Variants in FHIT observed in about 807,000 individuals in gnomAD.
The protein encoded by FHIT is bis(5'-adenosyl)-triphosphatase.
In FHIT, 19 loss-of-function variants were observed where a neutral mutation model predicts 17.9. That is an observed-to-expected ratio of 1.06 (90% CI 0.74 to 1.56). The LOEUF (loss-of-function observed/expected upper bound fraction) is 1.56. Ranked by LOEUF, FHIT falls within the 40% of genes most tolerant of loss-of-function variation. The pLI is 0.00. For synonymous variants in FHIT, 81 were observed against 69.7 expected (o/e 1.16, Z -0.81); for missense variants, 248 against 189.2 (o/e 1.31, Z -1.82).
chr3:60,109,141 G>C (rs1045564408), intron 5 of FHIT, among the ~76,000 whole-genome samples: 7 of 132,250 alleles, frequency 5.3e-5, no homozygotes, highest in African/African-American at 1.8e-4. Context: ...GGTAGGGGCA[G>C]GGAGAGAGAG....
At chr3:60,510,580 C>A (rs1379072009) in intron 5 of FHIT, among the ~76,000 whole-genome samples, 1 of 151,836 alleles carries the variant, frequency 6.6e-6, no homozygotes, top group Non-Finnish European at 1.5e-5. Flanking sequence ...GGAAGAATTT[C>A]ATTAGAAAAT....
intron 5 of FHIT, among the ~76,000 whole-genome samples, chr3:60,106,672 T>C (rs1386053631): frequency 1.3e-5 from 2 of 152,194 alleles, no homozygotes; most frequent in African/African-American, 4.8e-5. Context: ...CCAGAAGAGA[T>C]GAGACTCCCC....
chr3:60,437,682 TAATC>T (rs1162215068), intron 5 of FHIT, among the ~76,000 whole-genome samples: 1 of 152,096 alleles, frequency 6.6e-6, no homozygotes, highest in Non-Finnish European at 1.5e-5. Flanking sequence ...GGCAATTAAA[TAATC>T]AGATGTCATA....
intron 4 of FHIT, among the ~76,000 whole-genome samples, chr3:60,676,299 T>C (rs375361924): frequency 4.9e-4 from 75 of 152,342 alleles, no homozygotes; most frequent in African/African-American, 1.7e-3. Context: ...TGTGTGTATT[T>C]GACAATCCTT....
intron 4 of FHIT, among the ~76,000 whole-genome samples, chr3:60,582,873 G>T (rs1420468069): frequency 6.6e-6 from 1 of 151,878 alleles, no homozygotes; most frequent in African/African-American, 2.4e-5. Context: ...TATTTTATAG[G>T]TAAGAAAACT....
intron 2 of FHIT, among the ~76,000 whole-genome samples, chr3:61,151,362 CATACTTGCCT>C (rs2037381728): frequency 6.6e-6 from 1 of 152,184 alleles, no homozygotes; most frequent in African/African-American, 2.4e-5. Flanking sequence ...CCAGGAATGG[CATACTTGCCT>C]ATGTTCTCTA....
chr3:60,613,293 G>A (rs1210046691), intron 4 of FHIT, among the ~76,000 whole-genome samples: 2 of 152,190 alleles, frequency 1.3e-5, no homozygotes, highest in African/African-American at 4.8e-5. Flanking sequence ...GGAACATGGA[G>A]TGAAACAGAA....
chr3:60,810,913 G>C (rs1701552147), intron 4 of FHIT, among the ~76,000 whole-genome samples: 1 of 152,094 alleles, frequency 6.6e-6, no homozygotes, highest in Non-Finnish European at 1.5e-5. Context: ...TTATTCAATA[G>C]TTTAGAAATG....
intron 8 of FHIT, among the ~76,000 whole-genome samples, chr3:59,853,963 A>G (rs1702046770): frequency 6.6e-6 from 1 of 152,226 alleles, no homozygotes; most frequent in African/African-American, 2.4e-5. Context: ...ACCAATAGAT[A>G]AAGTCATCAG....
At chr3:60,415,301 T>G (rs955863484) in intron 5 of FHIT, among the ~76,000 whole-genome samples, 1 of 152,168 alleles carries the variant, frequency 6.6e-6, no homozygotes. Flanking sequence ...AAAATGGGAT[T>G]CAGCAAAGCA....
intron 7 of FHIT, among the ~76,000 whole-genome samples, chr3:59,944,662 T>C (rs1420901960): frequency 2.0e-5 from 3 of 152,146 alleles, no homozygotes; most frequent in Non-Finnish European, 2.9e-5. Flanking sequence ...AATTCTTTGA[T>C]CCGCTCCCTT....
intron 2 of FHIT, among the ~76,000 whole-genome samples, chr3:61,166,240 T>C (rs2037834091): frequency 6.6e-6 from 1 of 152,210 alleles, no homozygotes; most frequent in Non-Finnish European, 1.5e-5. Flanking sequence ...CTGAGAGTAG[T>C]TATTTAATTC....
At chr3:59,886,548 G>A (rs1304604119) in intron 8 of FHIT, among the ~76,000 whole-genome samples, 2 of 152,192 alleles carry the variant, frequency 1.3e-5, no homozygotes, top group South Asian at 4.1e-4. Flanking sequence ...AAGGGGGGCT[G>A]TGTGTGCAGA....
intron 4 of FHIT, among the ~76,000 whole-genome samples, chr3:60,599,543 A>G (rs1027458878): frequency 6.6e-6 from 1 of 152,160 alleles, no homozygotes. Flanking sequence ...AAACATCATC[A>G]CAGTTATAAA....
chr3:60,198,675 T>C (rs756845813), intron 5 of FHIT, among the ~76,000 whole-genome samples: 7 of 152,192 alleles, frequency 4.6e-5, no homozygotes, highest in Non-Finnish European at 1.0e-4. Context: ...CGTCAACTTA[T>C]GGTTATGAGA....
chr3:59,858,286 G>A (rs949677399), intron 8 of FHIT, among the ~76,000 whole-genome samples: 2 of 142,308 alleles, frequency 1.4e-5, no homozygotes, highest in African/African-American at 2.7e-5. Flanking sequence ...GAGTGCAGTG[G>A]AGCGATCTCG....
chr3:60,314,214 A>G (rs1253466900), intron 5 of FHIT, among the ~76,000 whole-genome samples: 3 of 152,050 alleles, frequency 2.0e-5, no homozygotes, highest in South Asian at 4.2e-4. Context: ...GTTGGGCAAC[A>G]TATTTCTGGT....
At chr3:60,286,215 G>A (rs1182868064) in intron 5 of FHIT, among the ~76,000 whole-genome samples, 2 of 152,170 alleles carry the variant, frequency 1.3e-5, no homozygotes, top group Non-Finnish European at 2.9e-5. Flanking sequence ...AACTAGAAAT[G>A]CAGGTGTGGC....
rs188332396 is a variant in FHIT, at chr3:60,861,867, G to A, written c.-110-39856C>T. On this transcript the variant is annotated intron_variant, in intron 3 of 9. Transcript: ENST00000492590. ...AGGGAGGCTGAGGCAGGAGAATGGC[G>A]TGAACCCGTGAGGTGGAGCTTGCAG... Among the ~76,000 whole-genome samples, 307 of 149,796 alleles carry A rather than the reference G, an allele frequency of 2.0e-3. 1 individual carries two copies. The highest frequency in any genetic ancestry group is 3.0e-3 in the Non-Finnish European group (206 of 67,614).
Sources: allele counts gnomAD v4.1 joint callset (sites outside exome capture counted in the v4.1 genomes callset), GRCh38; gene constraint gnomAD v4.1.1; transcripts MANE v1.5; gene names NCBI Gene and HGNC (gene_info 2026-07-23, HGNC 2026-07-21).